DMD: variants seen among roughly 807,000 people sequenced by gnomAD.
DMD encodes dystrophin.
In DMD, 63 loss-of-function variants were observed where a neutral mutation model predicts 330.1. The observed-to-expected ratio is 0.19, with a 90% confidence interval of 0.16 to 0.24. DMD has a LOEUF of 0.24. Among genes scored for constraint, DMD ranks in the 10% least tolerant of loss-of-function variants. The probability of loss-of-function intolerance (pLI) is 1.00; values close to 1 mark genes in which losing one functional copy is unlikely to be tolerated. For synonymous variants in DMD, 1,223 were observed against 959.8 expected (o/e 1.27, Z -5.07); for missense variants, 3,344 against 2,684.1 (o/e 1.25, Z -5.43).
intron 44 of DMD, among the ~76,000 whole-genome samples, chrX:31,976,401 C>T (rs2095436305): frequency 9.0e-6 from 1 of 110,895 alleles, no homozygotes; most frequent in Non-Finnish European, 1.9e-5. Flanking sequence ...GTTTGAGTCC[C>T]TTATTTTTAT....
At chrX:32,329,328 T>C (rs965929687) in intron 41 of DMD, among the ~76,000 whole-genome samples, 2 of 112,183 alleles carry the variant, frequency 1.8e-5, no homozygotes, top group Non-Finnish European at 3.8e-5. Flanking sequence ...GTGGAGATAA[T>C]GTTCACTCTG....
At chrX:32,601,606 T>C (rs2056218358) in intron 12 of DMD, among the ~76,000 whole-genome samples, 1 of 108,743 alleles carries the variant, frequency 9.2e-6, no homozygotes, top group African/African-American at 3.3e-5. Context: ...ATGAAATAGA[T>C]TGACCAAAAC....
chrX:31,962,920 T>C (rs765631505), intron 45 of DMD, among the ~76,000 whole-genome samples: 32 of 111,924 alleles, frequency 2.9e-4, no homozygotes, highest in Non-Finnish European at 4.9e-4. Context: ...ACTGGGTACA[T>C]TTAACATATT....
chrX:31,332,321 G>A (rs955598025), intron 61 of DMD, among the ~76,000 whole-genome samples: 3 of 112,204 alleles, frequency 2.7e-5, no homozygotes, highest in African/African-American at 9.7e-5. Context: ...CAGATCACCC[G>A]AATTACAGTT....
Position 32,362,901 on chromosome X carries a change from C to T in DMD, c.5212G>A (p.Ala1738Thr), listed in dbSNP as rs2147234161. ...CCGCGGTTTGCCATCAAGTTTGCTG[C>T]TTGGTCACGTGTAGAGTCCACCTTT... ...RPKVDSTRDQ[A>T]ANLMANRGDH... Residue 1738 changes from alanine to threonine, a missense_variant, in exon 37 of 79, where the codon GCA (alanine) becomes ACA (threonine). Physicochemically the swap from Ala to Thr is moderately conservative, Grantham distance 58. Coordinates refer to ENST00000357033, the MANE Select transcript of DMD (RefSeq NM_004006.3). 1.7e-6 allele frequency: 2 copies of T among 1,211,195 alleles called. No homozygotes were observed. Among genetic ancestry groups the T allele is most frequent in the African/African-American group, 1.7e-5 (1 of 57,661 alleles).
At chrX:33,083,829 G>A (rs1236413538) in intron 1 of DMD, among the ~76,000 whole-genome samples, 1 of 111,324 alleles carries the variant, frequency 9.0e-6, no homozygotes, top group East Asian at 2.9e-4. Flanking sequence ...AGACCTCCCA[G>A]GAGCTGAACA....
At chrX:31,214,057 A>AT (rs58506447) in intron 64 of DMD, among the ~76,000 whole-genome samples, 2 of 3,130 alleles carry the variant, frequency 6.4e-4, no homozygotes, top group Non-Finnish European at 3.2e-3. Context: ...CTAAAAAAAA[A>AT]TCCAAAAGCT....
intron 45 of DMD, among the ~76,000 whole-genome samples, chrX:31,932,648 A>C (rs1295396461): frequency 9.0e-6 from 1 of 111,644 alleles, no homozygotes; most frequent in Non-Finnish European, 1.9e-5. Flanking sequence ...AGGGAGGCTG[A>C]GGCAGGAGAA....
intron 37 of DMD, among the ~76,000 whole-genome samples, chrX:32,361,302 T>A (rs2097833188): frequency 9.0e-6 from 1 of 111,725 alleles, no homozygotes; most frequent in African/African-American, 3.2e-5. Flanking sequence ...CTTTAATCAA[T>A]TTTAAGAGCC....
chrX:31,861,280 A>T (rs67314851), intron 48 of DMD, among the ~76,000 whole-genome samples: 1 of 110,199 alleles, frequency 9.1e-6, no homozygotes, highest in African/African-American at 3.3e-5. Context: ...TAGAAGATCA[A>T]AAAGGTTGAT....
intron 44 of DMD, among the ~76,000 whole-genome samples, chrX:32,176,423 G>A (rs1015407770): frequency 2.7e-5 from 3 of 111,757 alleles, no homozygotes; most frequent in Non-Finnish European, 5.6e-5. Flanking sequence ...CAGATGTGGT[G>A]TTAAGCATGA....
intron 63 of DMD, among the ~76,000 whole-genome samples, chrX:31,241,120 A>G (rs5971561): frequency 0.068 from 7,544 of 111,427 alleles, 217 homozygotes; most frequent in Middle Eastern, 0.093. Context: ...TATAAAGTAT[A>G]ATAAAAGTGC....
chrX:32,128,234 A>G lies in DMD; in HGVS notation c.6438+88682T>C, dbSNP rs941416304. On this transcript the variant is annotated intron_variant, in intron 44 of 78. Coordinates refer to ENST00000357033, the MANE Select transcript of DMD (RefSeq NM_004006.3). ...TCAATGTTAATCTAGTCAACAAAGA[A>G]CTGTTCAATAAAACATGTTTGTTTA... Among the ~76,000 whole-genome samples the G allele has an allele frequency of 5.3e-5, 6 of 112,188 alleles. No individual in the cohort carries two copies. In the Admixed American group the frequency reaches 5.7e-4, roughly 11 times the overall value.
At chrX:32,367,924 C>T (rs76702605) in intron 34 of DMD, among the ~76,000 whole-genome samples, 3,026 of 111,394 alleles carry the variant, frequency 0.027, 107 homozygotes, top group African/African-American at 0.093. Flanking sequence ...AAAAAGAGAC[C>T]TAGAGTTAAA....
At chrX:32,898,323 A>G (rs1244095313) in intron 2 of DMD, among the ~76,000 whole-genome samples, 1 of 112,258 alleles carries the variant, frequency 8.9e-6, no homozygotes, top group African/African-American at 3.2e-5. Context: ...GATCTAATTC[A>G]GGCCTGAGAT....
chrX:31,505,773 A>G (rs770445340), intron 56 of DMD, among the ~76,000 whole-genome samples: 1 of 111,089 alleles, frequency 9.0e-6, no homozygotes, highest in East Asian at 2.8e-4. Context: ...AGCTGGGACT[A>G]CAGGCGCGTG....
chrX:32,424,413 A>T (rs1037460814), intron 29 of DMD, among the ~76,000 whole-genome samples: 1 of 111,639 alleles, frequency 9.0e-6, no homozygotes, highest in African/African-American at 3.3e-5. Context: ...ATTTATTGTT[A>T]ATTAATTATC....
rs149929995 is a variant in DMD, at chrX:31,692,640, T to C, written c.7661-13054A>G. On this transcript the variant is annotated intron_variant, in intron 52 of 78. Transcript: ENST00000357033. ...CCTAAGAGACTACGATGAACAATTA[T>C]ATACCAAGAAATTGGACATCCTAAC... 8.1e-3 allele frequency among the ~76,000 whole-genome samples: 900 copies of C among 111,611 alleles called. 6 individuals are homozygous for C. The highest frequency in any genetic ancestry group is 0.028 in the African/African-American group (849 of 30,800).
At chrX:31,521,724 C>T (rs370074902) in intron 55 of DMD, among the ~76,000 whole-genome samples, 4 of 111,515 alleles carry the variant, frequency 3.6e-5, no homozygotes, top group East Asian at 2.8e-4. Flanking sequence ...GTTTGTGATA[C>T]GGTTTTAAAT....
Sources: gnomAD v4.1 joint callset for allele counts (sites outside exome capture counted in the v4.1 genomes callset) on GRCh38, gnomAD v4.1.1 for gene constraint, MANE v1.5 for transcripts, NCBI Gene and HGNC (gene_info 2026-07-23, HGNC 2026-07-21) for gene names.